RARB: variants seen among roughly 807,000 people sequenced by gnomAD.
RARB encodes the protein HBV-activated protein.
In RARB, 17 loss-of-function variants were observed where a neutral mutation model predicts 51.9. The ratio of observed to expected loss-of-function variants is 0.33; its 90% CI spans 0.22 to 0.49. RARB has a LOEUF of 0.49. Ranked by LOEUF, RARB falls within the 20% of genes least tolerant of loss-of-function variation. The probability of loss-of-function intolerance (pLI) is 0.99; values close to 1 mark genes in which losing one functional copy is unlikely to be tolerated. For synonymous variants in RARB, 215 were observed against 195.4 expected, an observed-to-expected ratio of 1.10 and a Z score of -0.84; for missense variants, 369 against 550.8, an observed-to-expected ratio of 0.67 and a Z score of 3.30.
intron 2 of RARB, among the ~76,000 whole-genome samples, chr3:25,018,063 AT>A (rs1228122253): frequency 6.6e-6 from 1 of 152,206 alleles, no homozygotes; most frequent in African/African-American, 2.4e-5. Context: ...TTTGTTATTT[AT>A]AATCACCCAG....
chr3:25,203,090 G>A (rs919995700), intron 5 of RARB, among the ~76,000 whole-genome samples: 3 of 152,078 alleles, frequency 2.0e-5, no homozygotes, highest in Non-Finnish European at 2.9e-5. Context: ...GGTCTCTAAG[G>A]ACTTGCTTTA....
intron 5 of RARB, among the ~76,000 whole-genome samples, chr3:25,326,269 G>C (rs1227177818): frequency 6.6e-6 from 1 of 152,208 alleles, no homozygotes; most frequent in Non-Finnish European, 1.5e-5. Flanking sequence ...AGGCTGTCTA[G>C]AGTTGCCTCT....
intron 2 of RARB, among the ~76,000 whole-genome samples, chr3:24,875,214 A>G (rs1703018250): frequency 6.6e-6 from 1 of 152,066 alleles, no homozygotes; most frequent in African/African-American, 2.4e-5. Flanking sequence ...TCTGTTGCAT[A>G]TTTTTAGTGA....
intron 5 of RARB, among the ~76,000 whole-genome samples, chr3:25,385,543 C>A (rs149428587): frequency 6.6e-6 from 1 of 152,262 alleles, no homozygotes; most frequent in East Asian, 1.9e-4. Flanking sequence ...CTGGAGTAAG[C>A]CTCAGTTTCC....
At chr3:25,198,785 A>G (rs1657253611) in intron 5 of RARB, among the ~76,000 whole-genome samples, 1 of 152,128 alleles carries the variant, frequency 6.6e-6, no homozygotes, top group Non-Finnish European at 1.5e-5. Flanking sequence ...AAAGTCAGGC[A>G]ATAACAAATG....
At chr3:25,462,548 A>G (rs1299623113) in intron 2 of RARB, 1 of 152,260 alleles carries the variant, frequency 6.6e-6, no homozygotes, top group African/African-American at 2.4e-5. Flanking sequence ...TTGGCTTAGC[A>G]GAGTTAGCAC....
chr3:25,433,155 T>C (rs1708276098), intron 1 of RARB, among the ~76,000 whole-genome samples: 1 of 152,248 alleles, frequency 6.6e-6, no homozygotes, highest in African/African-American at 2.4e-5. Flanking sequence ...GTAGATAGAA[T>C]CTTGCCTTTC....
At chr3:25,099,962 A>G (rs886094360) in intron 3 of RARB, among the ~76,000 whole-genome samples, 1 of 152,170 alleles carries the variant, frequency 6.6e-6, no homozygotes, top group African/African-American at 2.4e-5. Flanking sequence ...ATCTTAATTT[A>G]CTTTAAAATA....
At chr3:25,137,351 C>A (rs544669586) in intron 4 of RARB, among the ~76,000 whole-genome samples, 13 of 152,116 alleles carry the variant, frequency 8.5e-5, no homozygotes, top group South Asian at 2.1e-4. Context: ...AAATGCACAT[C>A]AGTAAAGGAT....
intron 2 of RARB, among the ~76,000 whole-genome samples, chr3:24,917,594 G>A (rs926710984): frequency 8.5e-5 from 13 of 152,160 alleles, no homozygotes; most frequent in Non-Finnish European, 1.3e-4. Flanking sequence ...ACAGTGGTGC[G>A]ATCTCTGCTC....
chr3:24,891,819 T>G (rs1287437836), intron 2 of RARB, among the ~76,000 whole-genome samples: 2 of 152,030 alleles, frequency 1.3e-5, no homozygotes, highest in Non-Finnish European at 2.9e-5. Context: ...GCTTCTACCT[T>G]GTTTACATTA....
At chr3:25,535,118 C>T (rs114106732) in intron 3 of RARB, among the ~76,000 whole-genome samples, 2,210 of 152,314 alleles carry the variant, frequency 0.015, 60 homozygotes, top group African/African-American at 0.05. Context: ...GCTTGGTTTT[C>T]ACTCCACTAT....
chr3:25,132,788 C>T (rs1342571046), intron 4 of RARB, among the ~76,000 whole-genome samples: 1 of 151,762 alleles, frequency 6.6e-6, no homozygotes, highest in Non-Finnish European at 1.5e-5. Flanking sequence ...AGCCTGACTC[C>T]ATGATTCCAC....
chr3:25,005,281 C>T lies in RARB; in HGVS notation c.-379-54844C>T, dbSNP rs182720210. ...TACTGTGTAAGAAATTACACCAATA[C>T]GTAGTGCTCTAAAACATTTATCATT... On this transcript the variant is annotated intron_variant, in intron 2 of 11. Coordinates refer to the RARB transcript ENST00000383772. 1.5e-3 allele frequency among the ~76,000 whole-genome samples: 224 copies of T among 152,206 alleles called. 3 individuals are homozygous for T. The highest frequency in any genetic ancestry group is 7.8e-4 in the Non-Finnish European group (53 of 68,006).
intron 3 of RARB, among the ~76,000 whole-genome samples, chr3:25,122,574 A>G (rs1699800984): frequency 6.6e-6 from 1 of 152,146 alleles, no homozygotes; most frequent in African/African-American, 2.4e-5. Flanking sequence ...GGGACAGGAA[A>G]GTATGAGGGG....
chr3:25,596,639 C>T lies in RARB; in HGVS notation c.*23C>T, dbSNP rs1402279601. Reference sequence around the variant, plus strand: ...TAAGACATTTTCTAGCTACTTCAAACATTCCCCAGTACCTTCAGTTCCAGG... The same window carrying T: ...TAAGACATTTTCTAGCTACTTCAAATATTCCCCAGTACCTTCAGTTCCAGG... On this transcript the variant is annotated 3_prime_UTR_variant, in exon 8 of 8. Transcript: ENST00000330688. 1 of 1,548,274 alleles carries T rather than the reference C, an allele frequency of 6.5e-7. No homozygotes were observed. Among genetic ancestry groups the T allele is most frequent in the African/African-American group, 1.4e-5 (1 of 73,520 alleles).
chr3:24,921,278 T>C (rs1362281259), intron 2 of RARB, among the ~76,000 whole-genome samples: 1 of 152,148 alleles, frequency 6.6e-6, no homozygotes, highest in Non-Finnish European at 1.5e-5. Flanking sequence ...CTACATACTT[T>C]TATTCTGTAG....
chr3:25,559,769 G>A (rs1700198563), intron 3 of RARB, among the ~76,000 whole-genome samples: 2 of 152,184 alleles, frequency 1.3e-5, no homozygotes, highest in Admixed American at 1.3e-4. Context: ...CAGATGAATA[G>A]ATGAAAGGAT....
intron 5 of RARB, among the ~76,000 whole-genome samples, chr3:25,367,828 C>CAAAAAAAAAAA (rs1559374236): frequency 2.9e-5 from 4 of 139,422 alleles, no homozygotes; most frequent in Non-Finnish European, 3.1e-5. Context: ...AAAAAAAAAA[C>CAAAAAAAAAAA]AAAAACAAAA....
Sources: allele counts gnomAD v4.1 joint callset (sites outside exome capture counted in the v4.1 genomes callset), GRCh38; gene constraint gnomAD v4.1.1; transcripts MANE v1.5; gene names NCBI Gene and HGNC (gene_info 2026-07-23, HGNC 2026-07-21).